SLC35G1: variants seen among roughly 807,000 people sequenced by gnomAD.
SLC35G1 encodes partner of STIM1.
A neutral mutation model predicts 17.1 loss-of-function variants in SLC35G1; 10 were observed. That is an observed-to-expected ratio of 0.59 (90% CI 0.36 to 0.99). The LOEUF (loss-of-function observed/expected upper bound fraction) is 0.99, where lower values mean the gene tolerates loss of function less well. Among genes scored for constraint, SLC35G1 ranks in the 50% least tolerant of loss-of-function variants. The probability of loss-of-function intolerance (pLI) is 0.01; values close to 1 mark genes in which losing one functional copy is unlikely to be tolerated. For missense variants in SLC35G1, 433 were observed against 468.4 expected (o/e 0.92, Z 0.70); for synonymous variants, 185 against 181.1 (o/e 1.02, Z -0.18).
chr10:93,901,501 C>T lies in SLC35G1; in HGVS notation c.*11C>T. ...CAAAGTTCCAAATGAAGCATCATTG[C>T]TGAAATACATATTTTTTTCAAGTAC... is the stretch of plus-strand genomic sequence containing the variant. On this transcript the variant is annotated 3_prime_UTR_variant, in exon 3 of 3. Coordinates refer to ENST00000427197, the MANE Select transcript of SLC35G1 (RefSeq NM_001134658.3). 5.1e-6 allele frequency: 8 copies of T among 1,569,200 alleles called. No individual in the cohort carries two copies. Among genetic ancestry groups the T allele is most frequent in the Non-Finnish European group, 6.9e-6 (8 of 1,160,034 alleles).
Position 93,900,862 on chromosome 10 carries a change from C to T in SLC35G1, c.470C>T (p.Ala157Val). ...IYYAYQTMSL[A>V]DATVITFSSP... ...TATGCTTACCAGACAATGTCCCTCG[C>T]TGATGCCACAGTTATCACGTTTAGC... Residue 157 changes from alanine to valine, a missense_variant, in exon 3 of 3, where the codon GCT becomes GTT. Ala to Val is a moderately conservative substitution (Grantham distance 64). Coordinates refer to ENST00000427197, the MANE Select transcript of SLC35G1 (RefSeq NM_001134658.3). 6.2e-7 allele frequency: 1 copy of T among 1,614,112 alleles called. No individual in the cohort carries two copies. Among genetic ancestry groups the T allele is most frequent in the Non-Finnish European group, 8.5e-7 (1 of 1,179,966 alleles).
rs753719160 is a variant in SLC35G1 at position 93,894,135 on chromosome 10, C to T, written c.102C>T (p.Ala34=). ...GCGCCACTGAGGAGCCGGCGGCCGC[C>T]GAGGCAGCTGGGGCGCCAGACCGCG... ...PPGATEEPAA[A]EAAGAPDRGR... Residue 34 remains alanine (A), a synonymous_variant, in exon 1 of 3, where the codon GCC becomes GCT. Transcript: ENST00000427197. 1.8e-5 allele frequency: 26 copies of T among 1,484,642 alleles called. No homozygotes were observed. Among genetic ancestry groups the T allele is most frequent in the Non-Finnish European group, 2.1e-5 (24 of 1,125,182 alleles). The allele number at this position is 1,484,642 out of a possible 1,614,324, so 92.0% of individuals were successfully genotyped here.
At position 93,894,166 on chromosome 10, in the gene SLC35G1, T is replaced by C; in HGVS notation, c.133T>C (p.Cys45Arg). 6.8e-7 allele frequency: 1 copy of C among 1,469,060 alleles called. No homozygotes were observed. Among genetic ancestry groups the C allele is most frequent in the Non-Finnish European group, 8.9e-7 (1 of 1,117,626 alleles). The allele number at this position is 1,469,060 out of a possible 1,614,324, so 91.0% of individuals were successfully genotyped here. ...AGCTGGGGCGCCAGACCGCGGTAGG[T>C]GCTGGCTCTGCCTTTCCTCGCCGTG... ...EAAGAPDRGRCWLCLSSPCCS... is the reference protein window; with the variant it reads ...EAAGAPDRGRRWLCLSSPCCS... Residue 45 changes from cysteine (C) to arginine (R), a missense_variant, in exon 1 of 3, where the codon TGC becomes CGC. Cys to Arg is a radical substitution (Grantham distance 180). Coordinates refer to ENST00000427197, the MANE Select transcript of SLC35G1 (RefSeq NM_001134658.3).
intron 2 of SLC35G1, 116 bp downstream of exon 2, chr10:93,898,867 C>T (rs1589800800): frequency 1.0e-6 from 1 of 1,000,504 alleles, no homozygotes; most frequent in Non-Finnish European, 1.4e-6. Flanking sequence ...AGTTCCTATG[C>T]CCCTTGGCTC....
chr10:93,895,273 A>C (rs995333782), intron 1 of SLC35G1, among the ~76,000 whole-genome samples: 1 of 152,124 alleles, frequency 6.6e-6, no homozygotes, highest in African/African-American at 2.4e-5. Context: ...TTCTTGCTCC[A>C]TTTCTGTCCT....
intron 1 of SLC35G1, among the ~76,000 whole-genome samples, chr10:93,896,689 T>A (rs566451778): frequency 2.7e-4 from 41 of 152,318 alleles, no homozygotes; most frequent in African/African-American, 9.6e-4. Context: ...TAAGTGTTTA[T>A]AGGCAAGAAA....
rs1472041085 is a variant in SLC35G1, at chr10:93,895,541, T to TA, written c.178+1330_178+1331insA. Among the ~76,000 whole-genome samples the TA allele has an allele frequency of 2.0e-5, 3 of 152,200 alleles. No homozygotes were observed. The East Asian group carries it at 5.8e-4, about 29-fold the overall frequency. ...CTCATGGCAAGATGAGAAACTTACGTGAGTGTATCTAAGAATCTTGTGGGT... is the reference window on the plus strand; with the variant it reads ...CTCATGGCAAGATGAGAAACTTACGTAGAGTGTATCTAAGAATCTTGTGGGT... On this transcript the variant is annotated intron_variant, in intron 1 of 2. Transcript: ENST00000427197.
At position 93,900,902 on chromosome 10, in the gene SLC35G1, G is replaced by A. The variant is rs754065112; in HGVS notation, c.510G>A (p.Thr170=). ...TVITFSSPVF[T]SIFAWICLKE... ...TCACGTTTAGCAGTCCAGTGTTTAC[G>A]TCCATATTTGCTTGGATATGTCTCA... The change falls in exon 3 of 3, where the codon ACG becomes ACA. Residue 170 remains threonine, a synonymous_variant. Transcript: ENST00000427197. 30 of 1,613,938 alleles carry A rather than the reference G, an allele frequency of 1.9e-5. No individual in the cohort carries two copies. The highest frequency in any genetic ancestry group is 3.3e-5 in the Admixed American group (2 of 59,998).
Position 93,901,432 on chromosome 10 carries a change from G to T in SLC35G1, c.1040G>T (p.Cys347Phe). Residue 347 changes from cysteine (C) to phenylalanine (F), a missense_variant, in exon 3 of 3, where the codon TGC becomes TTC. By Grantham distance (205) the Cys-to-Phe change is radical. Coordinates refer to ENST00000427197, the MANE Select transcript of SLC35G1 (RefSeq NM_001134658.3). ...PTWWTVGGAL[C>F]VVASNVGAAI... is the part of the protein sequence containing the mutation. ...TGGTGGACAGTGGGTGGTGCTCTCTGCGTAGTAGCCAGTAATGTTGGAGCG... is the reference window on the plus strand; with the variant it reads ...TGGTGGACAGTGGGTGGTGCTCTCTTCGTAGTAGCCAGTAATGTTGGAGCG... The T allele has an allele frequency of 6.2e-7, 1 of 1,612,426 alleles. No individual in the cohort carries two copies.
At position 93,894,051 on chromosome 10, in the gene SLC35G1, C is replaced by G. The variant is rs1215092831; in HGVS notation, c.18C>G (p.Ser6Arg). Residue 6 changes from serine (S) to arginine (R), a missense_variant, in exon 1 of 3, where the codon AGC becomes AGG. Coordinates refer to ENST00000427197, the MANE Select transcript of SLC35G1 (RefSeq NM_001134658.3). ...GCCGCGAGATGCGGCCTCAGGACAG[C>G]ACCGGGGTCGCGGAGCTCCAGGAGC... MRPQD[S>R]TGVAELQEPG... The G allele has an allele frequency of 6.8e-7, 1 of 1,479,558 alleles. No homozygotes were observed. Among genetic ancestry groups the G allele is most frequent in the Middle Eastern group, 2.4e-4 (1 of 4,212 alleles). The allele number at this position is 1,479,558 out of a possible 1,614,324, so 91.7% of individuals were successfully genotyped here. A position where few individuals can be genotyped will look rare whatever the true frequency, so the allele number is the denominator to read the frequency against.
intron 2 of SLC35G1, among the ~76,000 whole-genome samples, chr10:93,899,304 T>G (rs2060359852): frequency 6.6e-6 from 1 of 152,146 alleles, no homozygotes; most frequent in Non-Finnish European, 1.5e-5. Context: ...ATTCCAAGGG[T>G]CAAATAAGAT....
At position 93,898,603 on chromosome 10, in the gene SLC35G1, G is replaced by T; in HGVS notation, c.211G>T (p.Gly71Cys). The part of the protein sequence containing the change: ...AKKKAPCPGL[G>C]LFYTLLSAFL... Reference sequence around the variant, plus strand: ...GAAGAAAGCACCCTGTCCTGGACTTGGCTTGTTTTACACATTATTGTCTGC... The same window carrying T: ...GAAGAAAGCACCCTGTCCTGGACTTTGCTTGTTTTACACATTATTGTCTGC... Residue 71 changes from glycine (G) to cysteine (C), a missense_variant, in exon 2 of 3, where the codon GGC (glycine) becomes TGC (cysteine). Gly to Cys is a radical substitution (Grantham distance 159). Transcript: ENST00000427197. 6.2e-7 allele frequency: 1 copy of T among 1,610,308 alleles called. No homozygotes were observed. The highest frequency in any genetic ancestry group is 1.1e-5 in the South Asian group (1 of 90,568).
chr10:93,908,367 T>G (rs915832494), downstream of SLC35G1: 8 of 152,208 alleles, frequency 5.3e-5, no homozygotes, highest in African/African-American at 1.7e-4. Flanking sequence ...TAGTAAATGA[T>G]GAGGTTGGGC....
At chr10:93,908,132 A>G (rs1378943584), downstream of SLC35G1, 2 of 152,244 alleles carry the variant, frequency 1.3e-5, no homozygotes, top group Non-Finnish European at 2.9e-5. Flanking sequence ...CCAAGATCCT[A>G]GAAAGCGTTG....
At position 93,894,018 on chromosome 10, in the gene SLC35G1, G is replaced by A; in HGVS notation, c.-16G>A. The A allele has an allele frequency of 7.2e-7, 1 of 1,396,550 alleles. No individual in the cohort carries two copies. The highest frequency in any genetic ancestry group is 9.2e-7 in the Non-Finnish European group (1 of 1,081,300). The allele number at this position is 1,396,550 out of a possible 1,614,324, so 86.5% of individuals were successfully genotyped here. ...CGCCAGACGGCACCGGCCGCTGGTA[G>A]AGCGCGTGCCGCGAGATGCGGCCTC... On this transcript the variant is annotated 5_prime_UTR_variant, in exon 1 of 3. Coordinates refer to ENST00000427197, the MANE Select transcript of SLC35G1 (RefSeq NM_001134658.3).
At chr10:93,897,754 C>T (rs926698846) in intron 1 of SLC35G1, among the ~76,000 whole-genome samples, 1 of 152,184 alleles carries the variant, frequency 6.6e-6, no homozygotes, top group African/African-American at 2.4e-5. Context: ...CACTGGTTTC[C>T]TCGTTCAGAT....
At chr10:93,896,892 T>G (rs1423078482) in intron 1 of SLC35G1, among the ~76,000 whole-genome samples, 3 of 152,118 alleles carry the variant, frequency 2.0e-5, no homozygotes, top group Non-Finnish European at 1.5e-5. Context: ...TCTGTTCTGT[T>G]TGAGGGTGGA....
At chr10:93,895,488 G>T (rs1261588480) in intron 1 of SLC35G1, among the ~76,000 whole-genome samples, 5 of 152,124 alleles carry the variant, frequency 3.3e-5, no homozygotes, top group Non-Finnish European at 7.4e-5. Flanking sequence ...TTTTGTGAAT[G>T]GAAGAGGAAT....
chr10:93,899,647 A>G (rs1261854292), intron 2 of SLC35G1, among the ~76,000 whole-genome samples: 2 of 152,224 alleles, frequency 1.3e-5, no homozygotes, highest in Non-Finnish European at 2.9e-5. Context: ...TTCACTTAGA[A>G]TAGTTTCACT....
Sources: allele counts gnomAD v4.1 joint callset (sites outside exome capture counted in the v4.1 genomes callset), GRCh38; gene constraint gnomAD v4.1.1; transcripts MANE v1.5; gene names NCBI Gene and HGNC (gene_info 2026-07-23, HGNC 2026-07-21).